The following PDE8B variants were observed in gnomAD, a reference collection of about 807,000 sequenced individuals.
PDE8B encodes phosphodiesterase 8B, also known as high affinity cAMP-specific and IBMX-insensitive 3',5'-cyclic phosphodiesterase 8B.
Under a neutral mutation model 101.3 loss-of-function variants are expected in PDE8B, and 26 were observed. The ratio of observed to expected loss-of-function variants is 0.26; its 90% CI spans 0.19 to 0.36. The LOEUF (loss-of-function observed/expected upper bound fraction) is 0.36. Among genes scored for constraint, PDE8B ranks in the 10% least tolerant of loss-of-function variants. PDE8B has a pLI of 1.00. For missense variants in PDE8B, 810 were observed against 1,163.1 expected (o/e 0.70, Z 4.42); for synonymous variants, 424 against 429.3 (o/e 0.99, Z 0.15).
chr5:77,325,868 G>T (rs1775962030), intron 3 of PDE8B, 139 bp downstream of exon 3: 2 of 682,958 alleles, frequency 2.9e-6, no homozygotes, highest in Admixed American at 2.3e-5. Flanking sequence ...ACAGATGTCT[G>T]TGGTGAAAGC....
At chr5:77,095,931 A>G in the PDE8B span, among the ~76,000 whole-genome samples, 4 of 152,160 alleles carry the variant, frequency 2.6e-5, no homozygotes, top group Admixed American at 2.6e-4. Flanking sequence ...GACATGTTAT[A>G]CAAGTTAGTA....
the PDE8B span, among the ~76,000 whole-genome samples, chr5:77,193,576 C>T: frequency 6.6e-6 from 1 of 152,052 alleles, no homozygotes; most frequent in African/African-American, 2.4e-5. Flanking sequence ...TTTACTGTGG[C>T]TTTGTACTAA....
intron 1 of PDE8B, among the ~76,000 whole-genome samples, chr5:77,219,878 G>A (rs979617555): frequency 4.6e-5 from 7 of 152,184 alleles, no homozygotes; most frequent in Non-Finnish European, 1.0e-4. Context: ...ACTGAAGGGA[G>A]CAAGGATCAG....
At position 77,316,052 on chromosome 5, in the gene PDE8B, A is replaced by G. The variant is rs189618168; in HGVS notation, c.399+3999A>G. On this transcript the variant is annotated intron_variant, in intron 2 of 21. Transcript: ENST00000264917. ...CTTTGTCTTTTAATAGGTGAGTTAA[A>G]TCTGATTACATTGAGTGTGAATACT... 2.0e-5 allele frequency among the ~76,000 whole-genome samples: 3 copies of G among 151,876 alleles called. No homozygotes were observed. In the East Asian group the frequency reaches 5.8e-4, roughly 29 times the overall value.
chr5:77,242,868 A>G (rs1349269497), intron 1 of PDE8B, among the ~76,000 whole-genome samples: 3 of 152,046 alleles, frequency 2.0e-5, no homozygotes, highest in Admixed American at 1.3e-4. Context: ...GGGTTTCACC[A>G]TATTAGCCAG....
the PDE8B span, among the ~76,000 whole-genome samples, chr5:77,198,796 A>G: frequency 6.6e-6 from 1 of 152,096 alleles, no homozygotes; most frequent in Admixed American, 6.5e-5. Flanking sequence ...AAAGGTTGCC[A>G]TTTCTGAAAA....
Position 77,412,174 on chromosome 5 carries a change from C to G in PDE8B, c.1651C>G (p.Leu551Val), listed in dbSNP as rs1316826830. Residue 551 changes from leucine to valine, a missense_variant, in exon 16 of 22, where the codon CTT becomes GTT. Transcript: ENST00000264917. Reference protein sequence around the residue: ...NDVPPCISQLLDNEESWDFNI... With the variant: ...NDVPPCISQLVDNEESWDFNI... The stretch of plus-strand genomic sequence containing the variant: ...TGTTCCCCCTTGTATCTCTCAATTA[C>G]TTGATAATGAGGAGAGTTGGGACTT... 1.2e-6 allele frequency: 2 copies of G among 1,613,742 alleles called. No homozygotes were observed. The highest frequency in any genetic ancestry group is 1.7e-6 in the Non-Finnish European group (2 of 1,179,650).
intron 1 of PDE8B, among the ~76,000 whole-genome samples, chr5:77,267,616 G>T (rs778562239): frequency 6.6e-6 from 1 of 152,102 alleles, no homozygotes; most frequent in Non-Finnish European, 1.5e-5. Context: ...AAGCTCCAGC[G>T]TGCTGCCTGG....
the PDE8B span, among the ~76,000 whole-genome samples, chr5:77,103,626 C>T: frequency 1.8e-4 from 27 of 152,304 alleles, no homozygotes; most frequent in African/African-American, 6.0e-4. Flanking sequence ...CAGGCCCAGG[C>T]ACTGTCTGTT....
chr5:77,407,696 G>A lies in PDE8B; in HGVS notation c.1365+239G>A, dbSNP rs116641708. 4.2e-3 allele frequency among the ~76,000 whole-genome samples: 645 copies of A among 152,272 alleles called. 3 individuals are homozygous for A. The highest frequency in any genetic ancestry group is 9.1e-3 in the South Asian group (44 of 4,832). On this transcript the variant is annotated intron_variant, in intron 13 of 21. Coordinates refer to ENST00000264917, the MANE Select transcript of PDE8B (RefSeq NM_003719.5). ...GCCCTTAAGTAGGTTGGAAGAGAGG[G>A]TGGTCAGGGAAACTCTCAGTCATGT...
intron 1 of PDE8B, among the ~76,000 whole-genome samples, chr5:77,212,036 T>C (rs1203337251): frequency 6.6e-6 from 1 of 152,138 alleles, no homozygotes; most frequent in Non-Finnish European, 1.5e-5. Context: ...GAAAAAATTG[T>C]TTAGATGGTT....
At chr5:77,114,157 C>A in the PDE8B span, 1 of 152,176 alleles carries the variant, frequency 6.6e-6, no homozygotes, top group Admixed American at 6.5e-5. Flanking sequence ...AATTCCATTA[C>A]TGGGTATATA....
intron 5 of PDE8B, 70 bp downstream of exon 5, chr5:77,331,529 A>G: frequency 8.4e-7 from 1 of 1,190,528 alleles, no homozygotes; most frequent in Non-Finnish European, 1.3e-6. Flanking sequence ...CATAACAGGG[A>G]AGCAAAGCTG....
At chr5:77,094,614 A>T in the PDE8B span, among the ~76,000 whole-genome samples, 2 of 151,972 alleles carry the variant, frequency 1.3e-5, no homozygotes, top group African/African-American at 4.8e-5. Context: ...CATTTTTTTT[A>T]AATATTAGTG....
At position 77,278,308 on chromosome 5, in the gene PDE8B, A is replaced by G. The variant is rs16874135; in HGVS notation, c.340-33686A>G. On this transcript the variant is annotated intron_variant, in intron 1 of 21. Coordinates refer to ENST00000264917, the MANE Select transcript of PDE8B (RefSeq NM_003719.5). ...ATAGGGGATGTAATACTAAGTTGTC[A>G]TTACAAATCCCTTAGGCCTTACTGA... 9.7e-3 allele frequency among the ~76,000 whole-genome samples: 1,482 copies of G among 152,278 alleles called. 33 individuals carry two copies. Among genetic ancestry groups the G allele is most frequent in the African/African-American group, 0.034 (1,398 of 41,552 alleles).
intron 10 of PDE8B, among the ~76,000 whole-genome samples, chr5:77,387,594 TG>T (rs1788997104): frequency 6.6e-6 from 1 of 152,228 alleles, no homozygotes. Flanking sequence ...TGGTGTTCTC[TG>T]TAATTCCTGA....
chr5:77,261,449 C>T (rs999412058), intron 1 of PDE8B, among the ~76,000 whole-genome samples: 2 of 152,220 alleles, frequency 1.3e-5, no homozygotes, highest in African/African-American at 2.4e-5. Context: ...TGAAGATTGG[C>T]AAGACTATGG....
At chr5:77,351,208 T>A (rs1781059679) in intron 9 of PDE8B, 55 bp downstream of exon 9, 2 of 1,273,380 alleles carry the variant, frequency 1.6e-6, no homozygotes, top group African/African-American at 1.5e-5. Context: ...AAGGCCCTCA[T>A]GGGCATTGGG....
At chr5:77,210,594 G>T, upstream of PDE8B, 1 of 978,250 alleles carries the variant, frequency 1.0e-6, no homozygotes, top group South Asian at 4.6e-5. The surrounding 1 kb of genome is among the most constrained non-coding windows in gnomAD (Gnocchi z 4.9). Flanking sequence ...GCCGCGCCGA[G>T]GGAGGAGGGG....
Sources: gnomAD v4.1 joint callset for allele counts (sites outside exome capture counted in the v4.1 genomes callset) on GRCh38, gnomAD v4.1.1 for gene constraint, Gnocchi (gnomAD v3.1) non-coding constraint, MANE v1.5 for transcripts, NCBI Gene and HGNC (gene_info 2026-07-23, HGNC 2026-07-21) for gene names.